CR1L: variants seen among roughly 807,000 people sequenced by gnomAD.
CR1L encodes the protein complement C3b/C4b receptor 1 like, also known as complement component receptor 1-like protein.
In CR1L, 59 loss-of-function variants were observed where a neutral mutation model predicts 62.3. That is an observed-to-expected ratio of 0.95 (90% confidence interval 0.77 to 1.18). The LOEUF (loss-of-function observed/expected upper bound fraction) is 1.18, where lower values mean the gene tolerates loss of function less well. CR1L is among the 50% of genes most tolerant of loss of function. CR1L has a pLI of 0.00. For synonymous variants in CR1L, 279 were observed against 248.7 expected, an observed-to-expected ratio of 1.12 and a Z score of -1.15; for missense variants, 700 against 702.8, an observed-to-expected ratio of 1.00 and a Z score of 0.04.
chr1:207,691,932 C>T (rs749067959), intron 4 of CR1L, among the ~76,000 whole-genome samples: 2 of 152,170 alleles, frequency 1.3e-5, no homozygotes, highest in African/African-American at 2.4e-5. Context: ...AGACTCCTGC[C>T]CAGCTGCGTG....
In CR1L at chr1:207,657,972, A is replaced by C. The variant is rs185676005; in HGVS notation, c.97+12642A>C. On this transcript the variant is annotated intron_variant, in intron 1 of 11. Transcript: ENST00000508064. ...TGATCACAACAGAATGAAAGTAGGA[A>C]TCAACAACAAGGCCAATCCCCAAAG... 1.5e-4 allele frequency among the ~76,000 whole-genome samples: 23 copies of C among 152,354 alleles called. No homozygotes were observed. In the East Asian group the frequency reaches 4.2e-3, roughly 28 times the overall value.
Position 207,677,485 on chromosome 1 carries a change from G to C in CR1L, c.194G>C (p.Cys65Ser), listed in dbSNP as rs1663714674. The change falls in exon 2 of 12, where the codon TGC (cysteine) becomes TCC (serine). Residue 65 changes from cysteine to serine, a missense_variant. Physicochemically the swap from Cys to Ser is moderately radical, Grantham distance 112 (BLOSUM62 -1). Coordinates refer to ENST00000508064, the MANE Select transcript of CR1L (RefSeq NM_175710.2). ...FPIGTYLNYE[C>S]RPGYSGRPFS... is the part of the protein sequence containing the mutation. ...ATTGGGACATATCTGAACTATGAAT[G>C]CCGCCCTGGTTATTCCGGAAGACCG... 1.2e-6 allele frequency: 2 copies of C among 1,613,808 alleles called. No homozygotes were observed. Among genetic ancestry groups the C allele is most frequent in the Non-Finnish European group, 1.7e-6 (2 of 1,179,894 alleles).
chr1:207,685,100 T>TA (rs1007394107), intron 4 of CR1L, among the ~76,000 whole-genome samples: 2 of 152,218 alleles, frequency 1.3e-5, no homozygotes, highest in East Asian at 1.9e-4. Flanking sequence ...TTGGAAATAT[T>TA]AAAAAAAATT....
chr1:207,693,448 T>A (rs1158668521), intron 4 of CR1L, among the ~76,000 whole-genome samples: 3 of 152,362 alleles, frequency 2.0e-5, no homozygotes, highest in East Asian at 1.9e-4. Context: ...TAATCTTGCA[T>A]CAGTCTTGGA....
chr1:207,700,998 T>C (rs1014554080), intron 8 of CR1L, among the ~76,000 whole-genome samples: 2 of 152,232 alleles, frequency 1.3e-5, no homozygotes, highest in Non-Finnish European at 2.9e-5. Context: ...AAACCTTTTT[T>C]CAAAAGCGTT....
Position 207,678,197 on chromosome 1 carries a change from G to A in CR1L, c.278-1G>A, listed in dbSNP as rs1372280271. ...TTCAAATTTCTGTTTCTTTCCTGTA[G>A]GTAAATCATGTCGTAATCCTCCAGA... On this transcript the variant is annotated splice_acceptor_variant, in intron 2 of 11. Transcript: ENST00000508064. LOFTEE classifies it high-confidence loss of function. 2 of 1,613,394 alleles carry A rather than the reference G, an allele frequency of 1.2e-6. No homozygotes were observed. Among genetic ancestry groups the A allele is most frequent in the Non-Finnish European group, 1.7e-6 (2 of 1,179,526 alleles).
At chr1:207,653,322 T>G (rs1663258470) in intron 1 of CR1L, 1 of 152,846 alleles carries the variant, frequency 6.5e-6, no homozygotes, top group Non-Finnish European at 1.5e-5. Flanking sequence ...CAAACAACTC[T>G]TGGATGTTTT....
At chr1:207,684,137 T>C in intron 4 of CR1L, 180 bp downstream of exon 4, 1 of 470,920 alleles carries the variant, frequency 2.1e-6, no homozygotes, top group Non-Finnish European at 3.6e-6. Context: ...AGTTCTTTCT[T>C]ATCCTGGGAT....
At chr1:207,684,104 G>T in intron 4 of CR1L, 147 bp downstream of exon 4, 1 of 621,136 alleles carries the variant, frequency 1.6e-6, no homozygotes. Context: ...ATTCCTATGG[G>T]GTTCCTGGCA....
chr1:207,703,058 T>A (rs894062567), intron 9 of CR1L, among the ~76,000 whole-genome samples: 3 of 152,188 alleles, frequency 2.0e-5, no homozygotes, highest in African/African-American at 7.2e-5. Context: ...GGTTGGGTGA[T>A]TCCTGAGGTT....
At chr1:207,719,921 T>A (rs2761422) in intron 11 of CR1L, among the ~76,000 whole-genome samples, 59,216 of 152,020 alleles carry the variant, frequency 0.39, 12,260 homozygotes, top group Admixed American at 0.51. Flanking sequence ...GAGACTGTGC[T>A]CTTTAACAAT....
chr1:207,697,969 C>A, intron 7 of CR1L, 96 bp downstream of exon 7: 2 of 1,532,206 alleles, frequency 1.3e-6, no homozygotes, highest in South Asian at 2.3e-5. Flanking sequence ...AAAAGACAGA[C>A]AGACAGACAC....
chr1:207,661,755 A>G (rs945992070), intron 1 of CR1L, among the ~76,000 whole-genome samples: 2 of 152,042 alleles, frequency 1.3e-5, no homozygotes, highest in African/African-American at 2.4e-5. Context: ...GGTCTTTACA[A>G]TTTGGCATGT....
At chr1:207,657,227 G>C (rs1181064982) in intron 1 of CR1L, 13 of 1,471,946 alleles carry the variant, frequency 8.8e-6, no homozygotes, top group East Asian at 2.3e-5. Flanking sequence ...TTGTGATCCT[G>C]CACCTGGACC....
intron 1 of CR1L, among the ~76,000 whole-genome samples, chr1:207,667,443 A>G: frequency 6.6e-6 from 1 of 152,118 alleles, no homozygotes; most frequent in East Asian, 1.9e-4. Flanking sequence ...CTTCTGGTCT[A>G]TTACCTTCCT....
intron 1 of CR1L, among the ~76,000 whole-genome samples, chr1:207,648,243 G>A (rs1240418546): frequency 6.8e-6 from 1 of 147,368 alleles, no homozygotes; most frequent in Non-Finnish European, 1.5e-5. Context: ...AAAAAACCTG[G>A]AAGTTGAAGA....
intron 1 of CR1L, among the ~76,000 whole-genome samples, chr1:207,661,867 C>T (rs1016429887): frequency 6.6e-6 from 1 of 152,132 alleles, no homozygotes; most frequent in African/African-American, 2.4e-5. Flanking sequence ...TCAGCATTTG[C>T]TTGTCTGTAA....
chr1:207,658,272 T>C (rs1663348822), intron 1 of CR1L, among the ~76,000 whole-genome samples: 1 of 140,650 alleles, frequency 7.1e-6, no homozygotes, highest in South Asian at 2.2e-4. Flanking sequence ...AAGGAAATGA[T>C]AAAGATAGAG....
chr1:207,718,235 G>A (rs1654051242), intron 11 of CR1L, among the ~76,000 whole-genome samples: 3 of 152,082 alleles, frequency 2.0e-5, no homozygotes, highest in African/African-American at 7.2e-5. Flanking sequence ...AAGGGAACTC[G>A]GGAGGCCCTG....
Sources: allele counts gnomAD v4.1 joint callset (sites outside exome capture counted in the v4.1 genomes callset), GRCh38; gene constraint gnomAD v4.1.1; transcripts MANE v1.5; gene names NCBI Gene and HGNC (gene_info 2026-07-23, HGNC 2026-07-21).